VPS37B: variants seen among roughly 807,000 people sequenced by gnomAD.
VPS37B encodes VPS37B subunit of ESCRT-I, also known as vacuolar protein sorting-associated protein 37B.
VPS37B carries 11 observed loss-of-function variants against 21.2 expected under a neutral mutation model. The ratio of observed to expected loss-of-function variants is 0.52; its 90% CI spans 0.33 to 0.86. VPS37B has a LOEUF of 0.86. Among genes scored for constraint, VPS37B ranks in the 40% least tolerant of loss-of-function variants. VPS37B has a pLI of 0.03. For missense variants in VPS37B, 389 were observed against 374.8 expected (o/e 1.04, Z -0.31); for synonymous variants, 175 against 159.6 (o/e 1.10, Z -0.73).
At chr12:122,891,030 T>G (rs1304753102) in intron 1 of VPS37B, among the ~76,000 whole-genome samples, 1 of 152,232 alleles carries the variant, frequency 6.6e-6, no homozygotes, top group Non-Finnish European at 1.5e-5. Context: ...AAGTATCATA[T>G]TAGGCATCTT....
At chr12:122,885,950 TG>T (rs2034321329) in intron 1 of VPS37B, 1 of 152,068 alleles carries the variant, frequency 6.6e-6, no homozygotes, top group Non-Finnish European at 1.5e-5. Flanking sequence ...CCCAAAGTGC[TG>T]GGATTACAGG....
chr12:122,867,266 T>A lies in VPS37B; in HGVS notation c.708A>T (p.Pro236=). The change falls in exon 4 of 4, where the codon CCA becomes CCT. Residue 236 remains proline (P), a synonymous_variant. Transcript: ENST00000267202. The surrounding 1 kb of genome is among the most constrained non-coding windows in gnomAD (Gnocchi z 5.5). ...AMSSGQAVPY[P]GLQCPPLPPR... is the part of the protein sequence containing the mutation. ...GGGGCAGGGGCGGGCACTGTAATCC[T>A]GGGTACGGCACGGCCTGTCCCGAAC... The A allele has an allele frequency of 7.1e-7, 1 of 1,417,692 alleles. No homozygotes were observed. 87.8% of individuals were successfully genotyped at this position (1,417,692 alleles called of 1,614,324 possible).
At chr12:122,876,709 C>G (rs2034155631) in intron 1 of VPS37B, 1 of 150,116 alleles carries the variant, frequency 6.7e-6, no homozygotes, top group Non-Finnish European at 1.5e-5. Context: ...AAGACTCCAT[C>G]TCAGAAAGAG....
intron 1 of VPS37B, among the ~76,000 whole-genome samples, chr12:122,890,336 GCTT>G (rs2034394855): frequency 6.8e-6 from 1 of 147,720 alleles, no homozygotes; most frequent in Non-Finnish European, 1.5e-5. Flanking sequence ...TTCACACGTG[GCTT>G]TTTTTTTTTT....
chr12:122,886,532 G>A (rs2034332503), intron 1 of VPS37B: 1 of 152,290 alleles, frequency 6.6e-6, no homozygotes, highest in African/African-American at 2.4e-5. Flanking sequence ...TCGTTTGATG[G>A]AGGCTGCAGT....
intron 2 of VPS37B, 90 bp downstream of exon 2, chr12:122,870,800 C>G: frequency 1.4e-6 from 2 of 1,419,522 alleles, no homozygotes; most frequent in Non-Finnish European, 1.9e-6. Context: ...GAAATTTTTC[C>G]GTAATATTTC....
chr12:122,890,819 A>G (rs1018258474), intron 1 of VPS37B, among the ~76,000 whole-genome samples: 9 of 152,112 alleles, frequency 5.9e-5, no homozygotes, highest in African/African-American at 1.9e-4. Context: ...TCCCTCTTGT[A>G]TTGTAGACAT....
At chr12:122,872,859 T>C (rs561424790) in intron 1 of VPS37B, 1 of 259,916 alleles carries the variant, frequency 3.8e-6, no homozygotes, top group Non-Finnish European at 6.0e-6. Context: ...TTGTAACAAC[T>C]AAAATCTGGA....
chr12:122,895,898 A>C, intron 1 of VPS37B, 54 bp downstream of exon 1: 1 of 1,546,916 alleles, frequency 6.5e-7, no homozygotes. Flanking sequence ...CCGTTCGAGG[A>C]GCGAACCCCG....
rs543938518 is a variant in VPS37B, at chr12:122,871,744, G to C, written c.112-683C>G. The C allele has an allele frequency of 6.2e-6, 6 of 974,088 alleles. No homozygotes were observed. The African/African-American group carries it at 1.1e-4, about 17-fold the overall frequency. 60.3% of individuals were successfully genotyped at this position (974,088 alleles called of 1,614,324 possible). On this transcript the variant is annotated intron_variant, in intron 1 of 3. Transcript: ENST00000267202. Reference sequence around the variant, plus strand: ...TTTAAAGCAATGACAGGCTACCCTGGTAGGTAGAGAAGAAGCCACATGCCC... The same window carrying C: ...TTTAAAGCAATGACAGGCTACCCTGCTAGGTAGAGAAGAAGCCACATGCCC...
intron 1 of VPS37B, chr12:122,885,753 G>A (rs1349493361): frequency 2.2e-5 from 3 of 136,734 alleles, no homozygotes; most frequent in East Asian, 2.2e-4. Context: ...GCGCGATCTC[G>A]GCTCACTGCA....
At chr12:122,882,499 C>G (rs1392404343) in intron 1 of VPS37B, 2 of 152,084 alleles carry the variant, frequency 1.3e-5, no homozygotes, top group African/African-American at 4.8e-5. Flanking sequence ...ATCTATAACA[C>G]AAAGAAAAGG....
At chr12:122,875,223 ATTTTTTTTTT>A (rs34993068) in intron 1 of VPS37B, 1 of 95,998 alleles carries the variant, frequency 1.0e-5, no homozygotes, top group Non-Finnish European at 2.0e-5. Flanking sequence ...CACCTGGCTA[ATTTTTTTTTT>A]TTTTTTTTTT....
rs1368125846 is a variant in VPS37B at position 122,896,079 on chromosome 12, T to C, written c.-17A>G. On this transcript the variant is annotated 5_prime_UTR_variant, in exon 1 of 4. Transcript: ENST00000267202. ...GCCCGCCATCCCCACGTCTCGGCCG[T>C]CGTCGCCACCGCCGCTGCGGCCACC... 6.4e-7 allele frequency: 1 copy of C among 1,557,854 alleles called. No homozygotes were observed. Among genetic ancestry groups the C allele is most frequent in the South Asian group, 1.1e-5 (1 of 87,518 alleles).
chr12:122,867,149 G>A lies in VPS37B; in HGVS notation c.825C>T (p.Leu275=). ...PPLPQRPPPR[L]PPHQPGFILQ ...GGATGAAACCCGGCTGGTGTGGAGG[G>A]AGCCGGGGCGGGGGTCTCTGAGGGA... Residue 275 remains leucine, a synonymous_variant, in exon 4 of 4, where the codon CTC becomes CTT. Coordinates refer to ENST00000267202, the MANE Select transcript of VPS37B (RefSeq NM_024667.3). The surrounding 1 kb of genome is among the most constrained non-coding windows in gnomAD (Gnocchi z 5.5). 3 of 1,543,936 alleles carry A rather than the reference G, an allele frequency of 1.9e-6. No homozygotes were observed. The highest frequency in any genetic ancestry group is 2.6e-5 in the South Asian group (2 of 78,068).
At chr12:122,886,582 G>C (rs373436907) in intron 1 of VPS37B, 6 of 152,186 alleles carry the variant, frequency 3.9e-5, no homozygotes, top group African/African-American at 1.4e-4. Flanking sequence ...CTGGGCGACA[G>C]AGACCCTGTC....
intron 1 of VPS37B, chr12:122,885,061 G>A (rs1199537191): frequency 1.3e-5 from 2 of 151,648 alleles, no homozygotes; most frequent in African/African-American, 4.9e-5. Flanking sequence ...CTTCTATTCC[G>A]TTTAAATGAG....
intron 1 of VPS37B, chr12:122,880,096 C>T (rs535624717): frequency 6.6e-6 from 1 of 152,242 alleles, no homozygotes; most frequent in African/African-American, 2.4e-5. Flanking sequence ...AAAAAACTTG[C>T]TCAATTTTAA....
chr12:122,867,113 C>G lies in VPS37B; in HGVS notation c.*3G>C, dbSNP rs755035600. 5 of 1,521,664 alleles carry G rather than the reference C, an allele frequency of 3.3e-6. No individual in the cohort carries two copies. The highest frequency in any genetic ancestry group is 4.4e-6 in the Non-Finnish European group (5 of 1,140,980). 94.3% of individuals were successfully genotyped at this position (1,521,664 alleles called of 1,614,324 possible). A position where few individuals can be genotyped will look rare whatever the true frequency, so the allele number is the denominator to read the frequency against. ...AGTCTCCCGGGAAGGACCGCGCCGG[C>G]GCTCACTGGAGGATGAAACCCGGCT... On this transcript the variant is annotated 3_prime_UTR_variant, in exon 4 of 4. Coordinates refer to ENST00000267202, the MANE Select transcript of VPS37B (RefSeq NM_024667.3). The surrounding 1 kb of genome is among the most constrained non-coding windows in gnomAD (Gnocchi z 5.5).
Sources: allele counts gnomAD v4.1 joint callset (sites outside exome capture counted in the v4.1 genomes callset), GRCh38; gene constraint gnomAD v4.1.1; non-coding constraint Gnocchi (gnomAD v3.1); transcripts MANE v1.5; gene names NCBI Gene and HGNC (gene_info 2026-07-23, HGNC 2026-07-21).